ARFIP1: variants seen among roughly 807,000 people sequenced by gnomAD.
The protein encoded by ARFIP1 is ARF interacting protein 1, also known as arfaptin-1.
ARFIP1 carries 24 observed loss-of-function variants against 42.5 expected under a neutral mutation model. The ratio of observed to expected loss-of-function variants is 0.57; its 90% confidence interval spans 0.41 to 0.80. The LOEUF (loss-of-function observed/expected upper bound fraction) is 0.80, where lower values mean the gene tolerates loss of function less well. Ranked by LOEUF, ARFIP1 falls within the 30% of genes least tolerant of loss-of-function variation. The probability of loss-of-function intolerance (pLI) is 0.00; values close to 1 mark genes in which losing one functional copy is unlikely to be tolerated. For missense variants in ARFIP1, 354 were observed against 434.0 expected, an observed-to-expected ratio of 0.82 and a Z score of 1.64; for synonymous variants, 141 against 153.7, an observed-to-expected ratio of 0.92 and a Z score of 0.61.
intron 8 of ARFIP1, among the ~76,000 whole-genome samples, chr4:152,895,202 C>T (rs1292093122): frequency 2.0e-5 from 3 of 152,032 alleles, no homozygotes; most frequent in African/African-American, 7.3e-5. Context: ...GTGGCTTAGA[C>T]AAGAAATGGT....
rs1356029096 is a variant in ARFIP1, at chr4:152,910,830, CACAG to C, written c.*613_*616del. On this transcript the variant is annotated 3_prime_UTR_variant, in exon 9 of 9. Coordinates refer to ENST00000353617, the MANE Select transcript of ARFIP1 (RefSeq NM_001025595.3). ...TTTTATTTAGACTTTTTTTTAAAGA[CACAG>C]AAATCACACTGTCATTTCTGTGAGG... 5 of 152,064 alleles carry C rather than the reference CACAG, an allele frequency of 3.3e-5. No individual in the cohort carries two copies. Among genetic ancestry groups the C allele is most frequent in the Admixed American group, 6.6e-5 (1 of 15,254 alleles). The allele number at this position is 152,064 out of a possible 1,614,324, so 9.4% of individuals were successfully genotyped here. A position where few individuals can be genotyped will look rare whatever the true frequency, so the allele number is the denominator to read the frequency against.
At chr4:152,897,475 G>T (rs936821740) in intron 8 of ARFIP1, among the ~76,000 whole-genome samples, 5 of 152,080 alleles carry the variant, frequency 3.3e-5, no homozygotes, top group Non-Finnish European at 5.9e-5. Context: ...CAATCATAAG[G>T]TACTTACATA....
At chr4:152,899,471 T>A (rs1013602659) in intron 8 of ARFIP1, among the ~76,000 whole-genome samples, 2 of 152,258 alleles carry the variant, frequency 1.3e-5, no homozygotes, top group Non-Finnish European at 2.9e-5. Flanking sequence ...TTTTTTGAGA[T>A]AACTTTATAT....
intron 5 of ARFIP1, among the ~76,000 whole-genome samples, chr4:152,875,159 T>C (rs1197801669): frequency 3.3e-5 from 5 of 152,176 alleles, no homozygotes; most frequent in African/African-American, 9.6e-5. Context: ...AGCAAATATA[T>C]AATAGGAGCA....
intron 1 of ARFIP1, chr4:152,796,794 T>C (rs1731496215): frequency 1.4e-6 from 1 of 690,962 alleles, no homozygotes; most frequent in Non-Finnish European, 2.7e-6. Flanking sequence ...CCAAATGGTA[T>C]AGCATTTATG....
At chr4:152,904,442 G>A (rs944350494) in intron 8 of ARFIP1, among the ~76,000 whole-genome samples, 4 of 151,718 alleles carry the variant, frequency 2.6e-5, no homozygotes, top group Non-Finnish European at 4.4e-5. Flanking sequence ...TGCCCGCCTC[G>A]GCCTCCCAAA....
At chr4:152,835,223 A>G (rs536077614) in intron 2 of ARFIP1, among the ~76,000 whole-genome samples, 1 of 152,322 alleles carries the variant, frequency 6.6e-6, no homozygotes, top group Non-Finnish European at 1.5e-5. Context: ...CCAAACTTTT[A>G]TGCTCTGCTT....
At chr4:152,891,809 A>G (rs1736873946) in intron 8 of ARFIP1, among the ~76,000 whole-genome samples, 1 of 152,018 alleles carries the variant, frequency 6.6e-6, no homozygotes, top group South Asian at 2.1e-4. Context: ...CCTGGGTTCA[A>G]GCAGTTCTCT....
chr4:152,866,539 CG>C (rs1288454053), intron 3 of ARFIP1, among the ~76,000 whole-genome samples: 1 of 103,332 alleles, frequency 9.7e-6, no homozygotes, highest in African/African-American at 4.1e-5. Context: ...GCTGGCCGCG[CG>C]GGGGCTGACC....
Position 152,829,660 on chromosome 4 carries a change from A to C in ARFIP1, c.27A>C (p.Ser9=), listed in dbSNP as rs777097416. Residue 9 remains serine, a synonymous_variant, in exon 2 of 9, where the codon TCA becomes TCC. Coordinates refer to ENST00000353617, the MANE Select transcript of ARFIP1 (RefSeq NM_001025595.3). ...TGGCTCAAGAATCTCCCAAAAATTC[A>C]GCAGCAGAAATTCCAGTGACTAGTA... MAQESPKN[S]AAEIPVTSNG... The C allele has an allele frequency of 6.2e-7, 1 of 1,612,372 alleles. No homozygotes were observed. The highest frequency in any genetic ancestry group is 8.5e-7 in the Non-Finnish European group (1 of 1,178,890).
chr4:152,899,281 A>C (rs1737617493), intron 8 of ARFIP1, among the ~76,000 whole-genome samples: 1 of 152,182 alleles, frequency 6.6e-6, no homozygotes, highest in Non-Finnish European at 1.5e-5. Flanking sequence ...GGGTAAAAAA[A>C]GAAAACATTG....
chr4:152,874,564 C>T (rs1735164728), intron 5 of ARFIP1, among the ~76,000 whole-genome samples: 1 of 152,192 alleles, frequency 6.6e-6, no homozygotes, highest in Admixed American at 6.5e-5. Context: ...CTTCTCAGCT[C>T]AAATTTTAGC....
intron 2 of ARFIP1, among the ~76,000 whole-genome samples, chr4:152,861,681 C>A (rs1326841931): frequency 6.6e-6 from 1 of 152,094 alleles, no homozygotes; most frequent in East Asian, 1.9e-4. Flanking sequence ...ATTAAATCTT[C>A]TTGGCTAGTG....
At chr4:152,809,996 C>CT (rs1561113410) in intron 1 of ARFIP1, 1 of 152,044 alleles carries the variant, frequency 6.6e-6, no homozygotes, top group East Asian at 1.9e-4. Flanking sequence ...TTGATTGTTG[C>CT]TTTGTAAAAT....
chr4:152,816,905 G>A (rs184813575), intron 1 of ARFIP1, among the ~76,000 whole-genome samples: 63 of 152,060 alleles, frequency 4.1e-4, no homozygotes, highest in Admixed American at 3.9e-4. Flanking sequence ...ATCTGTTATC[G>A]TACAAGATTT....
intron 8 of ARFIP1, among the ~76,000 whole-genome samples, chr4:152,901,290 T>C (rs1737808876): frequency 6.6e-6 from 1 of 152,256 alleles, no homozygotes; most frequent in Non-Finnish European, 1.5e-5. Flanking sequence ...GTTCTATTGA[T>C]ACATGCTGTG....
At chr4:152,882,442 G>A (rs1446339290) in intron 6 of ARFIP1, among the ~76,000 whole-genome samples, 1 of 152,080 alleles carries the variant, frequency 6.6e-6, no homozygotes, top group African/African-American at 2.4e-5. Context: ...GAAACAAAAT[G>A]TAGAAATGAA....
At chr4:152,809,284 G>A (rs1175738963) in intron 1 of ARFIP1, among the ~76,000 whole-genome samples, 1 of 152,012 alleles carries the variant, frequency 6.6e-6, no homozygotes, top group African/African-American at 2.4e-5. Flanking sequence ...CATTCATATG[G>A]GTCCTGACTT....
chr4:152,858,920 A>T (rs1455690893), intron 2 of ARFIP1, among the ~76,000 whole-genome samples: 1 of 152,208 alleles, frequency 6.6e-6, no homozygotes, highest in South Asian at 2.1e-4. Context: ...TAAATCTCTG[A>T]TCCAAACCTC....
Sources: gnomAD v4.1 joint callset for allele counts (sites outside exome capture counted in the v4.1 genomes callset) on GRCh38, gnomAD v4.1.1 for gene constraint, MANE v1.5 for transcripts, NCBI Gene and HGNC (gene_info 2026-07-23, HGNC 2026-07-21) for gene names.